Variants in CASP4 observed in about 807,000 individuals in gnomAD.
CASP4 encodes caspase-4.
CASP4 carries 29 observed loss-of-function variants against 41.3 expected under a neutral mutation model. The observed-to-expected ratio is 0.70, with a 90% CI of 0.52 to 0.96. The LOEUF (loss-of-function observed/expected upper bound fraction) is 0.96. CASP4 is among the 40% of genes least tolerant of loss of function. CASP4 has a pLI of 0.00. For missense variants in CASP4, 447 were observed against 460.6 expected, an observed-to-expected ratio of 0.97 and a Z score of 0.27; for synonymous variants, 185 against 158.4, an observed-to-expected ratio of 1.17 and a Z score of -1.26.
chr11:104,956,356 T>C (rs1373938157), intron 1 of CASP4, among the ~76,000 whole-genome samples: 1 of 152,098 alleles, frequency 6.6e-6, no homozygotes, highest in Non-Finnish European at 1.5e-5. Context: ...AATCATGATA[T>C]GGTTCAGTTA....
At chr11:104,966,928 CAG>C (rs1454434713) in intron 1 of CASP4, among the ~76,000 whole-genome samples, 3 of 152,202 alleles carry the variant, frequency 2.0e-5, no homozygotes, top group Admixed American at 1.3e-4. Context: ...AATATTAAAT[CAG>C]AGAGAGTGCA....
intron 1 of CASP4, among the ~76,000 whole-genome samples, chr11:104,967,299 AC>A (rs1460031063): frequency 1.3e-5 from 2 of 152,198 alleles, no homozygotes; most frequent in Non-Finnish European, 2.9e-5. Flanking sequence ...TTAGACATAA[AC>A]CCCGGAGAGA....
rs61749014 is a variant in CASP4, at chr11:104,950,981, C to G, written c.490G>C (p.Glu164Gln). ...GADFDITGMK[E>Q]LLEGLDYSVD... Reference sequence around the variant, plus strand: ...CTATAGTCCAGACCCTCAAGTAGCTCCTTCATCCCTGTGATGTCAAAGTCA... The same window carrying G: ...CTATAGTCCAGACCCTCAAGTAGCTGCTTCATCCCTGTGATGTCAAAGTCA... Residue 164 changes from glutamate to glutamine, a missense_variant, in exon 4 of 9, where the codon GAG (glutamate) becomes CAG (glutamine). Coordinates refer to ENST00000444739, the MANE Select transcript of CASP4 (RefSeq NM_001225.4). 6 of 1,613,272 alleles carry G rather than the reference C, an allele frequency of 3.7e-6. No individual in the cohort carries two copies. In the Admixed American group the frequency reaches 1.0e-4, roughly 27 times the overall value.
At chr11:104,955,099 G>C in intron 1 of CASP4, 98 bp from the exon 2 acceptor site, 1 of 1,192,398 alleles carries the variant, frequency 8.4e-7, no homozygotes, top group Non-Finnish European at 1.2e-6. Flanking sequence ...ACTTCTGAAA[G>C]TATGTCCTAC....
At position 104,947,239 on chromosome 11, in the gene CASP4, G is replaced by A. The variant is rs957629729; in HGVS notation, c.926-47C>T. On this transcript the variant is annotated intron_variant, in intron 6 of 8. Transcript: ENST00000444739. ...TGCCTTGGGCTATGACTTTCACTAT[G>A]TTTTTGTTCATATTTTTGTTTTGAG... The A allele has an allele frequency of 4.5e-6, 5 of 1,104,880 alleles. No individual in the cohort carries two copies. The African/African-American group carries it at 7.9e-5, about 18-fold the overall frequency. 68.4% of individuals were successfully genotyped at this position (1,104,880 alleles called of 1,614,324 possible). A position where few individuals can be genotyped will look rare whatever the true frequency, so the allele number is the denominator to read the frequency against.
At chr11:104,965,322 A>G (rs982440578) in intron 1 of CASP4, among the ~76,000 whole-genome samples, 3 of 152,236 alleles carry the variant, frequency 2.0e-5, no homozygotes, top group Non-Finnish European at 2.9e-5. Flanking sequence ...CTGCATGAGT[A>G]TGCTCAGACA....
At chr11:104,966,263 A>G (rs1860972923) in intron 1 of CASP4, among the ~76,000 whole-genome samples, 1 of 152,084 alleles carries the variant, frequency 6.6e-6, no homozygotes, top group South Asian at 2.1e-4. Context: ...TTAATAGATG[A>G]TAGTTGCATG....
At position 104,968,543 on chromosome 11, in the gene CASP4, C is replaced by CT. The variant is rs766056790; in HGVS notation, c.-19dup. ...CCTGCCATAGGGAACAGCCTCTGTC[C>CT]TTTTTTACAGCGTTGGAAAGAGCCT... On this transcript the variant is annotated 5_prime_UTR_variant, in exon 1 of 9. Transcript: ENST00000444739. 1 of 1,612,722 alleles carries CT rather than the reference C, an allele frequency of 6.2e-7. No individual in the cohort carries two copies. Among genetic ancestry groups the CT allele is most frequent in the Non-Finnish European group, 8.5e-7 (1 of 1,178,852 alleles).
At chr11:104,958,198 G>A (rs528983939) in intron 1 of CASP4, among the ~76,000 whole-genome samples, 9 of 152,250 alleles carry the variant, frequency 5.9e-5, no homozygotes, top group African/African-American at 1.9e-4. Context: ...AAACAGAGGG[G>A]AACAGCTTCA....
At position 104,952,130 on chromosome 11, in the gene CASP4, T is replaced by C. The variant is rs576652188; in HGVS notation, c.263-125A>G. On this transcript the variant is annotated intron_variant, in intron 2 of 8. Transcript: ENST00000444739. ...CACATATAGGGGTTTTAGTTGTATC[T>C]CATATCTAGTATTCTACATCAGGAG... The C allele has an allele frequency of 1.3e-4, 77 of 614,220 alleles. 1 individual carries two copies. In the South Asian group the frequency reaches 1.5e-3, roughly 12 times the overall value. 38.0% of individuals were successfully genotyped at this position (614,220 alleles called of 1,614,324 possible). A position where few individuals can be genotyped will look rare whatever the true frequency, so the allele number is the denominator to read the frequency against.
intron 1 of CASP4, among the ~76,000 whole-genome samples, chr11:104,965,791 A>T (rs1860961289): frequency 6.6e-6 from 1 of 152,186 alleles, no homozygotes; most frequent in Admixed American, 6.6e-5. Context: ...TAGAATTGGA[A>T]TGTCCCCATT....
At position 104,951,018 on chromosome 11, in the gene CASP4, C is replaced by A; in HGVS notation, c.453G>T (p.Pro151=). 1 of 1,613,498 alleles carries A rather than the reference C, an allele frequency of 6.2e-7. No homozygotes were observed. The highest frequency in any genetic ancestry group is 8.5e-7 in the Non-Finnish European group (1 of 1,179,608). The change falls in exon 4 of 9, where the codon CCG becomes CCT. Residue 151 remains proline, a synonymous_variant. Transcript: ENST00000444739. The stretch of plus-strand genomic sequence containing the variant: ...TGATGTCAAAGTCAGCTCCATTCCT[C>A]GGAGGCAGATGGTCAAACTCTGTAT... ...ICNTEFDHLP[P]RNGADFDITG...
intron 1 of CASP4, among the ~76,000 whole-genome samples, chr11:104,957,447 C>T (rs2134649888): frequency 6.6e-6 from 1 of 152,166 alleles, no homozygotes; most frequent in Middle Eastern, 3.4e-3. Context: ...TAGCATGTGT[C>T]TATAGTCCTT....
chr11:104,954,111 T>C (rs913327374), intron 2 of CASP4, among the ~76,000 whole-genome samples: 4 of 152,146 alleles, frequency 2.6e-5, no homozygotes, highest in Non-Finnish European at 2.9e-5. Context: ...ACTTGGTAGA[T>C]GTTGTTTCGG....
intron 1 of CASP4, among the ~76,000 whole-genome samples, chr11:104,965,785 A>G (rs55721600): frequency 0.1 from 15,662 of 152,236 alleles, 1,424 homozygotes; most frequent in African/African-American, 0.23. Flanking sequence ...GGCTCCTAGA[A>G]TTGGAATGTC....
chr11:104,955,011 A>G lies in CASP4; in HGVS notation c.8-10T>C. 6.2e-7 allele frequency: 1 copy of G among 1,608,282 alleles called. No individual in the cohort carries two copies. Among genetic ancestry groups the G allele is most frequent in the Non-Finnish European group, 8.5e-7 (1 of 1,177,890 alleles). On this transcript the variant is annotated splice_polypyrimidine_tract_variant and intron_variant, in intron 1 of 8. Coordinates refer to ENST00000444739, the MANE Select transcript of CASP4 (RefSeq NM_001225.4). The stretch of plus-strand genomic sequence containing the variant: ...TTTCTGTGGTTGCCTTCTGTTAGAA[A>G]TAGAAAGATTCCTTTAACTATGGGC...
intron 1 of CASP4, 35 bp from the exon 2 acceptor site, chr11:104,955,036 C>A: frequency 6.2e-7 from 1 of 1,602,020 alleles, no homozygotes; most frequent in East Asian, 2.2e-5. Context: ...TAACTATGGG[C>A]ACAGCTTAAA....
intron 3 of CASP4, 167 bp downstream of exon 3, chr11:104,951,729 A>AT (rs1280485099): frequency 1.5e-6 from 1 of 670,566 alleles, no homozygotes; most frequent in African/African-American, 1.8e-5. Context: ...TTGAGAAAGG[A>AT]TTGGTATCAT....
intron 1 of CASP4, among the ~76,000 whole-genome samples, chr11:104,962,554 AGCAGGCTG>A (rs1455231466): frequency 6.6e-6 from 1 of 152,246 alleles, no homozygotes; most frequent in Non-Finnish European, 1.5e-5. Context: ...AAGCCAGCTC[AGCAGGCTG>A]GCCAATTATA....
Sources: gnomAD v4.1 joint callset for allele counts (sites outside exome capture counted in the v4.1 genomes callset) on GRCh38, gnomAD v4.1.1 for gene constraint, MANE v1.5 for transcripts, NCBI Gene and HGNC (gene_info 2026-07-23, HGNC 2026-07-21) for gene names.